MCTP1: variants seen among roughly 807,000 people sequenced by gnomAD.
MCTP1 encodes the protein multiple C2 and transmembrane domain-containing protein 1.
A neutral mutation model predicts 120.6 loss-of-function variants in MCTP1; 69 were observed. The ratio of observed to expected loss-of-function variants is 0.57; its 90% confidence interval spans 0.47 to 0.70. The LOEUF (loss-of-function observed/expected upper bound fraction) is 0.70, where lower values mean the gene tolerates loss of function less well. MCTP1 is among the 30% of genes least tolerant of loss of function. The pLI, the probability that MCTP1 is intolerant of heterozygous loss-of-function variation, is 0.00. For synonymous variants in MCTP1, 529 were observed against 493.1 expected, an observed-to-expected ratio of 1.07 and a Z score of -0.96; for missense variants, 1,203 against 1,248.8, an observed-to-expected ratio of 0.96 and a Z score of 0.55.
At chr5:94,928,650 G>T (rs1813766432) in intron 6 of MCTP1, among the ~76,000 whole-genome samples, 1 of 152,076 alleles carries the variant, frequency 6.6e-6, no homozygotes, top group Non-Finnish European at 1.5e-5. Context: ...TGGAAAACCA[G>T]AATGAGTCTT....
chr5:95,106,055 T>A (rs1182868018), intron 1 of MCTP1, among the ~76,000 whole-genome samples: 3 of 152,238 alleles, frequency 2.0e-5, no homozygotes, highest in African/African-American at 7.2e-5. Context: ...TGTGCTCTGA[T>A]GCCAGCAGCT....
intron 2 of MCTP1, among the ~76,000 whole-genome samples, chr5:94,954,106 ATATATGAATATATATACAAAT>A: frequency 8.9e-6 from 1 of 112,036 alleles, no homozygotes; most frequent in African/African-American, 3.6e-5. Flanking sequence ...ATATATACAT[ATATATGAATATATATACAAAT>A]ATATATATGC....
chr5:94,766,719 G>A (rs1194394283), intron 19 of MCTP1, among the ~76,000 whole-genome samples: 1 of 149,826 alleles, frequency 6.7e-6, no homozygotes, highest in Non-Finnish European at 1.5e-5. Context: ...GACACATACA[G>A]CCTACCAAGA....
chr5:94,855,706 A>G (rs1581053068), intron 17 of MCTP1, among the ~76,000 whole-genome samples: 1 of 151,720 alleles, frequency 6.6e-6, no homozygotes, highest in East Asian at 1.9e-4. Flanking sequence ...AAGGAAACCT[A>G]TTATCTATGT....
intron 1 of MCTP1, among the ~76,000 whole-genome samples, chr5:95,233,627 C>T (rs1755212979): frequency 6.6e-6 from 1 of 152,092 alleles, no homozygotes; most frequent in Non-Finnish European, 1.5e-5. Context: ...CCGCACCTGG[C>T]CCTAAATGAC....
At chr5:94,913,337 G>A (rs1007380702) in intron 8 of MCTP1, among the ~76,000 whole-genome samples, 5 of 152,066 alleles carry the variant, frequency 3.3e-5, no homozygotes, top group South Asian at 4.1e-4. Flanking sequence ...CAAAGGCCTC[G>A]TTCATACTGT....
Position 95,284,364 on chromosome 5 carries a change from C to G in MCTP1, c.212G>C (p.Gly71Ala). ...GCTCCACCTGCTGCCTGCACCACTC[C>G]CCCTGGCCGGTGCATTCCCTGTGCC... ...PVGTGNAPARGSGAGSRWSGF... is the reference protein window; with the variant it reads ...PVGTGNAPARASGAGSRWSGF... The change falls in exon 1 of 23, where the codon GGG becomes GCG. Residue 71 changes from glycine to alanine, a missense_variant. Gly to Ala is a moderately conservative substitution (Grantham distance 60). Around this residue, in one of 2 missense-constraint regions of MCTP1, gnomAD observed 463 missense variants for 377.8 expected, o/e 1.23. Coordinates refer to ENST00000515393, the MANE Select transcript of MCTP1 (RefSeq NM_024717.7). The surrounding 1 kb of genome is among the most constrained non-coding windows in gnomAD (Gnocchi z 5.2). The G allele has an allele frequency of 6.9e-6, 11 of 1,596,226 alleles. No individual in the cohort carries two copies. The highest frequency in any genetic ancestry group is 9.3e-6 in the Non-Finnish European group (11 of 1,179,122).
At chr5:95,069,328 G>A (rs571654784) in intron 1 of MCTP1, among the ~76,000 whole-genome samples, 1 of 152,308 alleles carries the variant, frequency 6.6e-6, no homozygotes, top group Admixed American at 6.5e-5. Context: ...TTTCATTGGG[G>A]TCTTTCATGA....
intron 1 of MCTP1, chr5:95,038,031 C>T (rs573650054): frequency 7.2e-6 from 4 of 557,590 alleles, no homozygotes; most frequent in African/African-American, 6.1e-5. Context: ...TGTCAATGTG[C>T]CATTCTCATT....
At chr5:94,939,978 G>A in intron 5 of MCTP1, 106 bp downstream of exon 5, 1 of 576,164 alleles carries the variant, frequency 1.7e-6, no homozygotes, top group Non-Finnish European at 3.1e-6. Context: ...AAAGAACAGG[G>A]CATATTTTCA....
At chr5:94,954,713 G>A (rs140588721) in intron 2 of MCTP1, among the ~76,000 whole-genome samples, 19 of 152,108 alleles carry the variant, frequency 1.2e-4, no homozygotes, top group Admixed American at 3.9e-4. Context: ...GCATATATAC[G>A]CTGCTAAAAT....
At chr5:95,263,402 T>A (rs895495960) in intron 1 of MCTP1, among the ~76,000 whole-genome samples, 1 of 152,136 alleles carries the variant, frequency 6.6e-6, no homozygotes, top group Non-Finnish European at 1.5e-5. Context: ...AAAGCTCCAC[T>A]AGTTTCCAGC....
chr5:95,256,923 T>C (rs1757955118), intron 1 of MCTP1, among the ~76,000 whole-genome samples: 1 of 152,236 alleles, frequency 6.6e-6, no homozygotes, highest in Non-Finnish European at 1.5e-5. Flanking sequence ...TATGTTTACA[T>C]TCTATTCATG....
chr5:95,084,550 TC>T (rs1336376641), intron 1 of MCTP1, among the ~76,000 whole-genome samples: 8 of 151,246 alleles, frequency 5.3e-5, no homozygotes, highest in Admixed American at 2.0e-4. Context: ...TTTTTTTTTT[TC>T]CTCTTGGCCT....
At chr5:95,006,089 TG>T (rs1834686548) in intron 2 of MCTP1, among the ~76,000 whole-genome samples, 2 of 152,172 alleles carry the variant, frequency 1.3e-5, no homozygotes, top group South Asian at 4.1e-4. Flanking sequence ...TAGGGAGACA[TG>T]GGGAGAATGT....
At chr5:94,830,176 T>C (rs1328787483) in intron 17 of MCTP1, among the ~76,000 whole-genome samples, 1 of 152,214 alleles carries the variant, frequency 6.6e-6, no homozygotes, top group East Asian at 1.9e-4. Context: ...ACCAAACTCC[T>C]TTATTTTTCT....
intron 20 of MCTP1, 73 bp from the exon 21 acceptor site, chr5:94,711,000 C>T: frequency 9.7e-7 from 1 of 1,030,000 alleles, no homozygotes; most frequent in Non-Finnish European, 1.5e-6. Context: ...ACATATGATT[C>T]TAACTTGGGA....
chr5:95,129,985 C>G (rs1308217102), intron 1 of MCTP1, among the ~76,000 whole-genome samples: 1 of 152,196 alleles, frequency 6.6e-6, no homozygotes, highest in African/African-American at 2.4e-5. Flanking sequence ...TTTTTTGTCT[C>G]TCTCCTTGAA....
intron 1 of MCTP1, among the ~76,000 whole-genome samples, chr5:95,059,224 T>TATAC (rs776279585): frequency 9.2e-5 from 14 of 151,764 alleles, no homozygotes; most frequent in Admixed American, 6.6e-4. Flanking sequence ...TATATATATA[T>TATAC]ACACTATAAA....
Sources: allele counts gnomAD v4.1 joint callset (sites outside exome capture counted in the v4.1 genomes callset), GRCh38; gene constraint gnomAD v4.1.1; regional missense constraint gnomAD v4.1.1; non-coding constraint Gnocchi (gnomAD v3.1); transcripts MANE v1.5; gene names NCBI Gene and HGNC (gene_info 2026-07-23, HGNC 2026-07-21).